MYOM3: variants seen among roughly 807,000 people sequenced by gnomAD.
MYOM3 encodes myomesin 3.
In MYOM3, 155 loss-of-function variants were observed where a neutral mutation model predicts 191.7. That is an observed-to-expected ratio of 0.81 (90% CI 0.71 to 0.92). MYOM3 has a LOEUF of 0.92. MYOM3 is among the 40% of genes least tolerant of loss of function. The probability of loss-of-function intolerance (pLI) is 0.00; values close to 1 mark genes in which losing one functional copy is unlikely to be tolerated. For synonymous variants in MYOM3, 757 were observed against 762.9 expected (o/e 0.99, Z 0.13); for missense variants, 1,889 against 1,890.6 (o/e 1.00, Z 0.02).
chr1:24,107,260 A>T lies in MYOM3; in HGVS notation c.243-28T>A, dbSNP rs373594167. On this transcript the variant is annotated intron_variant, in intron 3 of 36. Transcript: ENST00000374434. The stretch of plus-strand genomic sequence containing the variant: ...GCCGTGACAGAGGCCATCGGGGCTC[A>T]GGCAGGGATGGGGGATGCCTGGGGC... 1.6e-4 allele frequency: 259 copies of T among 1,570,618 alleles called. 1 individual carries two copies. The African/African-American group carries it at 3.1e-3, about 19-fold the overall frequency.
chr1:24,085,280 AGATG>A (rs55900087), intron 15 of MYOM3, among the ~76,000 whole-genome samples: 42,946 of 136,468 alleles, frequency 0.31, 7,359 homozygotes, highest in Non-Finnish European at 0.41. Context: ...ATGGATGGAT[AGATG>A]GATGGATGGA....
rs1643313100 is a variant in MYOM3, at chr1:24,057,256, CT to C, written c.*107del. On this transcript the variant is annotated 3_prime_UTR_variant, in exon 37 of 37. Transcript: ENST00000374434. ...CACATCCTGGGTTCTATCTTGTCCCCTTTCCTTCTGCCCCACCCCTGTAGCC... is the reference window on the plus strand; with the variant it reads ...CACATCCTGGGTTCTATCTTGTCCCCTTCCTTCTGCCCCACCCCTGTAGCC... 6 of 1,183,706 alleles carry C rather than the reference CT, an allele frequency of 5.1e-6. No homozygotes were observed. Among genetic ancestry groups the C allele is most frequent in the Non-Finnish European group, 7.1e-6 (6 of 843,104 alleles). 73.3% of individuals were successfully genotyped at this position (1,183,706 alleles called of 1,614,324 possible).
chr1:24,085,877 T>C (rs1007932588), intron 15 of MYOM3, among the ~76,000 whole-genome samples: 9 of 152,180 alleles, frequency 5.9e-5, no homozygotes, highest in Admixed American at 3.9e-4. Context: ...CTCTAAATTA[T>C]TGAAGCAGAA....
At chr1:24,094,221 G>C (rs1643866723) in intron 9 of MYOM3, among the ~76,000 whole-genome samples, 1 of 150,186 alleles carries the variant, frequency 6.7e-6, no homozygotes, top group Admixed American at 6.6e-5. Context: ...CCCCAGGCTG[G>C]AGTGCAATGG....
rs1258569576 is a variant in MYOM3, at chr1:24,062,005, G to T, written c.3875C>A (p.Thr1292Asn). The T allele has an allele frequency of 6.2e-7, 1 of 1,614,222 alleles. No individual in the cohort carries two copies. ...DPKDSDKGKY[T>N]LEIAAGKEVR... ...TTCCTTCCCTGCAGCTATTTCCAGA[G>T]TGTATTTGCCCTTGTCTGAGTCTTT... The change falls in exon 33 of 37, where the codon ACT becomes AAT. Residue 1292 changes from threonine (T) to asparagine (N), a missense_variant. Thr to Asn is a moderately conservative substitution (Grantham distance 65). Transcript: ENST00000374434.
intron 24 of MYOM3, among the ~76,000 whole-genome samples, chr1:24,071,565 T>TG (rs1643532369): frequency 6.6e-6 from 1 of 152,170 alleles, no homozygotes; most frequent in African/African-American, 2.4e-5. Context: ...CTGATTTGTC[T>TG]GGGGCATGGC....
rs1422044101 is a variant in MYOM3 at position 24,082,703 on chromosome 1, G to T, written c.1982C>A (p.Pro661His). The part of the protein sequence containing the change: ...KPIQGTRFTV[P>H]GLRTGKEYEF... ...GTACTCCTTCCCCGTCCTCAGCCCGGGAACTGTAAACCTGGGAGAGAAATG... is the reference window on the plus strand; with the variant it reads ...GTACTCCTTCCCCGTCCTCAGCCCGTGAACTGTAAACCTGGGAGAGAAATG... The change falls in exon 17 of 37, where the codon CCC (proline) becomes CAC (histidine). Residue 661 changes from proline to histidine, a missense_variant. By Grantham distance (77) the Pro-to-His change is moderately conservative (BLOSUM62 -2). Coordinates refer to ENST00000374434, the MANE Select transcript of MYOM3 (RefSeq NM_152372.4). The T allele has an allele frequency of 1.9e-6, 3 of 1,606,124 alleles. No individual in the cohort carries two copies. The highest frequency in any genetic ancestry group is 1.3e-5 in the African/African-American group (1 of 74,446).
At chr1:24,060,958 A>G in intron 35 of MYOM3, 102 bp downstream of exon 35, 1 of 1,327,174 alleles carries the variant, frequency 7.5e-7, no homozygotes, top group Non-Finnish European at 1.1e-6. Flanking sequence ...CACAGACCCC[A>G]CTGTGGAATG....
At chr1:24,103,704 A>G (rs750503805) in intron 5 of MYOM3, among the ~76,000 whole-genome samples, 1 of 152,206 alleles carries the variant, frequency 6.6e-6, no homozygotes, top group Non-Finnish European at 1.5e-5. Context: ...GATAAACTCA[A>G]GTTGTAAAAC....
intron 33 of MYOM3, 90 bp downstream of exon 33, chr1:24,061,856 T>C: frequency 7.0e-7 from 1 of 1,421,804 alleles, no homozygotes; most frequent in Non-Finnish European, 9.8e-7. Context: ...CCTCCCAAAG[T>C]GCTGGGATTA....
rs1643403626 is a variant in MYOM3 at position 24,063,963 on chromosome 1, C to T, written c.3622+109G>A. On this transcript the variant is annotated intron_variant, in intron 30 of 36. Transcript: ENST00000374434. This position sits in a 1 kb window ranked among gnomAD's most constrained non-coding sequence, Gnocchi z 4.5. ...CAAGTTACTTAATCTCTTTGTGCCT[C>T]AATTTCTCCAAGTGACATGGGGATC... 1.2e-6 allele frequency: 1 copy of T among 855,174 alleles called. No homozygotes were observed. The highest frequency in any genetic ancestry group is 1.7e-5 in the African/African-American group (1 of 59,150). 53.0% of individuals were successfully genotyped at this position (855,174 alleles called of 1,614,324 possible). A position where few individuals can be genotyped will look rare whatever the true frequency, so the allele number is the denominator to read the frequency against.
chr1:24,063,200 G>C lies in MYOM3; in HGVS notation c.3696C>G (p.Thr1232=), dbSNP rs140762098. Residue 1232 remains threonine, a synonymous_variant, in exon 32 of 37, where the codon ACC becomes ACG. Coordinates refer to ENST00000374434, the MANE Select transcript of MYOM3 (RefSeq NM_152372.4). This position sits in a 1 kb window ranked among gnomAD's most constrained non-coding sequence, Gnocchi z 4.5. ...TGCTGAAGATCCGGATCCCTTCCTC[G>C]GTCCCCTGGATTTTCAGTGGAGTTG... ...LSATPLKIQG[T]EEGIRIFSKV... The C allele has an allele frequency of 3.0e-5, 49 of 1,613,936 alleles. No individual in the cohort carries two copies. The Middle Eastern group carries it at 5.0e-4, about 16-fold the overall frequency.
At chr1:24,090,043 T>C (rs781147327) in intron 13 of MYOM3, 22 bp downstream of exon 13, 1 of 1,611,130 alleles carries the variant, frequency 6.2e-7, no homozygotes, top group East Asian at 2.2e-5. Context: ...GGAGGCCCAG[T>C]GTGTGGGAGG....
In MYOM3 at chr1:24,061,933, G is replaced by A. The variant is rs187151734; in HGVS notation, c.3934+13C>T. The stretch of plus-strand genomic sequence containing the variant: ...TAAGCAGGTTTCCCTGCAGACATAG[G>A]TGGATGGCTCACCTTGCCCTGAGAG... On this transcript the variant is annotated intron_variant, in intron 33 of 36. Coordinates refer to ENST00000374434, the MANE Select transcript of MYOM3 (RefSeq NM_152372.4). 5.6e-4 allele frequency: 908 copies of A among 1,614,072 alleles called. 5 individuals are homozygous for A. The African/African-American group carries it at 0.01, about 18-fold the overall frequency.
At position 24,079,160 on chromosome 1, in the gene MYOM3, A is replaced by G. The variant is rs570192149; in HGVS notation, c.2586+856T>C. On this transcript the variant is annotated intron_variant, in intron 20 of 36. Coordinates refer to ENST00000374434, the MANE Select transcript of MYOM3 (RefSeq NM_152372.4). ...TCTGCTTTGTTTTTCTTAGCCATAT[A>G]GGATGGATATCTTTTTGTGTCAATA... is the stretch of plus-strand genomic sequence containing the variant. Among the ~76,000 whole-genome samples the G allele has an allele frequency of 6.6e-5, 10 of 152,294 alleles. No homozygotes were observed. In the South Asian group the frequency reaches 1.7e-3, roughly 25 times the overall value.
chr1:24,065,666 G>A (rs1201326355), intron 29 of MYOM3: 1 of 591,038 alleles, frequency 1.7e-6, no homozygotes, highest in Non-Finnish European at 3.0e-6. Flanking sequence ...AAAATTTGGG[G>A]GCTTTAATAG....
intron 20 of MYOM3, among the ~76,000 whole-genome samples, 154 bp downstream of exon 20, chr1:24,079,862 A>G (rs1643645310): frequency 6.6e-6 from 1 of 151,964 alleles, no homozygotes; most frequent in African/African-American, 2.4e-5. Flanking sequence ...CCTACCTCCA[A>G]CTTGCTGTGT....
At position 24,084,600 on chromosome 1, in the gene MYOM3, T is replaced by G; in HGVS notation, c.1838A>C (p.Asp613Ala). The change falls in exon 16 of 37, where the codon GAC (aspartate) becomes GCC (alanine). Residue 613 changes from aspartate (D) to alanine (A), a missense_variant. Asp to Ala is a moderately radical substitution (Grantham distance 126). Coordinates refer to ENST00000374434, the MANE Select transcript of MYOM3 (RefSeq NM_152372.4). ...TGTCAGGGAGACAGAGGTCTGTGTG[T>G]CTCTGAAAGCTTGAACTTGAGCTGG... is the stretch of plus-strand genomic sequence containing the variant. ...PPPAQVQAFR[D>A]TQTSVSLTWD... 6.2e-7 allele frequency: 1 copy of G among 1,613,656 alleles called. No individual in the cohort carries two copies. The highest frequency in any genetic ancestry group is 2.2e-5 in the East Asian group (1 of 44,868).
chr1:24,088,455 C>G (rs1643773561), intron 14 of MYOM3, among the ~76,000 whole-genome samples: 1 of 152,170 alleles, frequency 6.6e-6, no homozygotes, highest in African/African-American at 2.4e-5. Context: ...CACAGAGAAA[C>G]TAAGTAACTT....
Sources: allele counts gnomAD v4.1 joint callset (sites outside exome capture counted in the v4.1 genomes callset), GRCh38; gene constraint gnomAD v4.1.1; non-coding constraint Gnocchi (gnomAD v3.1); transcripts MANE v1.5; gene names NCBI Gene and HGNC (gene_info 2026-07-23, HGNC 2026-07-21).